AVEN: variants seen among roughly 807,000 people sequenced by gnomAD.
AVEN encodes the protein cell death regulator Aven.
Under a neutral mutation model 38.1 loss-of-function variants are expected in AVEN, and 41 were observed. That is an observed-to-expected ratio of 1.08 (90% CI 0.84 to 1.40). The LOEUF (loss-of-function observed/expected upper bound fraction) is 1.40. Ranked by LOEUF, AVEN falls within the 40% of genes most tolerant of loss-of-function variation. AVEN has a pLI of 0.00. For missense variants in AVEN, 605 were observed against 438.8 expected (o/e 1.38, Z -3.38); for synonymous variants, 206 against 171.8 (o/e 1.20, Z -1.56).
At chr15:33,878,121 C>A (rs929834490) in intron 2 of AVEN, among the ~76,000 whole-genome samples, 2 of 152,038 alleles carry the variant, frequency 1.3e-5, no homozygotes, top group African/African-American at 4.8e-5. Flanking sequence ...TATCAAGATA[C>A]CAATTTCACC....
chr15:33,945,352 G>A (rs1894467539), intron 2 of AVEN, among the ~76,000 whole-genome samples: 2 of 152,152 alleles, frequency 1.3e-5, no homozygotes, highest in South Asian at 4.1e-4. Flanking sequence ...CTCATCTGAG[G>A]CCTTCATCAT....
chr15:34,039,949 G>T (rs184674869), upstream of AVEN, among the ~76,000 whole-genome samples: 251 of 152,288 alleles, frequency 1.6e-3, 2 homozygotes, highest in Non-Finnish European at 1.6e-3. Context: ...GGAACAGTTG[G>T]TTACACAGAT....
downstream of AVEN, chr15:33,864,118 C>T: frequency 1.3e-6 from 2 of 1,594,004 alleles, no homozygotes; most frequent in African/African-American, 1.4e-5. Context: ...GTATCTAATA[C>T]TATCTTTTCC....
chr15:33,984,294 G>C (rs950703805), intron 2 of AVEN, among the ~76,000 whole-genome samples: 5 of 151,904 alleles, frequency 3.3e-5, no homozygotes, highest in African/African-American at 1.2e-4. Context: ...AAAATAAAAA[G>C]TTTACAAAAT....
intron 1 of AVEN, among the ~76,000 whole-genome samples, chr15:34,036,955 C>A (rs533423327): frequency 6.6e-6 from 1 of 152,024 alleles, no homozygotes; most frequent in Non-Finnish European, 1.5e-5. Flanking sequence ...ATTAAAAATA[C>A]AAAATTAGCC....
At position 34,063,637 on chromosome 15, in the gene AVEN, C is replaced by T. The variant is rs1367706605; in HGVS notation, n.1127-205G>A. Reference sequence around the variant, plus strand: ...CAGCTCACCACCTGTAGCAGCTACCCTTCCTCAGAGGATGAGGACAAGCCC... The same window carrying T: ...CAGCTCACCACCTGTAGCAGCTACCTTTCCTCAGAGGATGAGGACAAGCCC... On this transcript the variant is annotated intron_variant and non_coding_transcript_variant, in intron 4 of 11. Transcript: ENST00000675287. The surrounding 1 kb of genome is among the most constrained non-coding windows in gnomAD (Gnocchi z 4.1). 6.2e-7 allele frequency: 1 copy of T among 1,613,994 alleles called. No individual in the cohort carries two copies. Among genetic ancestry groups the T allele is most frequent in the East Asian group, 2.2e-5 (1 of 44,882 alleles).
intron 5 of AVEN, among the ~76,000 whole-genome samples, chr15:34,054,788 C>T (rs915833806): frequency 5.3e-5 from 8 of 152,154 alleles, no homozygotes; most frequent in Non-Finnish European, 7.4e-5. Flanking sequence ...CCCTGGCACA[C>T]GTTTACCTAT....
At position 33,866,663 on chromosome 15, in the gene AVEN, T is replaced by C. The variant is rs751843730; in HGVS notation, c.1039A>G (p.Asn347Asp). Reference sequence around the variant, plus strand: ...TCTTCCAGCTCTTCCTCGGTAACATTTTTGGAGGTACTTGGTTGCTCAGGT... The same window carrying C: ...TCTTCCAGCTCTTCCTCGGTAACATCTTTGGAGGTACTTGGTTGCTCAGGT... ...MEPEQPSTSKNVTEEELEDWL... is the reference protein window; with the variant it reads ...MEPEQPSTSKDVTEEELEDWL... Residue 347 changes from asparagine to aspartate, a missense_variant, in exon 6 of 6, where the codon AAT becomes GAT. Physicochemically the swap from Asn to Asp is conservative, Grantham distance 23. Transcript: ENST00000306730. The C allele has an allele frequency of 3.1e-6, 5 of 1,614,130 alleles. No homozygotes were observed. Among genetic ancestry groups the C allele is most frequent in the Middle Eastern group, 1.6e-4 (1 of 6,062 alleles).
At chr15:34,015,843 G>A (rs1897879842) in intron 1 of AVEN, among the ~76,000 whole-genome samples, 1 of 152,164 alleles carries the variant, frequency 6.6e-6, no homozygotes, top group East Asian at 1.9e-4. Flanking sequence ...TGATAAAAAT[G>A]AGAGGCATGA....
intron 2 of AVEN, among the ~76,000 whole-genome samples, chr15:33,983,183 CGT>C (rs536612414): frequency 4.1e-5 from 4 of 96,830 alleles, no homozygotes; most frequent in African/African-American, 1.4e-4. Context: ...TATATACACA[CGT>C]GTGTGTATGT....
intron 1 of AVEN, among the ~76,000 whole-genome samples, chr15:34,035,781 A>G (rs538153316): frequency 8.8e-6 from 1 of 113,040 alleles, no homozygotes; most frequent in East Asian, 2.5e-4. Context: ...TAGGGGGATT[A>G]TTTATTCATT....
At chr15:33,901,140 G>A (rs752587382) in intron 2 of AVEN, among the ~76,000 whole-genome samples, 5 of 152,140 alleles carry the variant, frequency 3.3e-5, no homozygotes, top group South Asian at 2.1e-4. Context: ...GGTGGTAGGC[G>A]CCTGTAGTCA....
downstream of AVEN, among the ~76,000 whole-genome samples, chr15:33,855,202 ATCT>A (rs1432593316): frequency 2.7e-5 from 4 of 148,992 alleles, no homozygotes; most frequent in Non-Finnish European, 4.5e-5. Context: ...GACCTTGGAG[ATCT>A]TTTTTTTTTT....
At chr15:33,964,106 T>TAA (rs35355454) in intron 2 of AVEN, among the ~76,000 whole-genome samples, 8,857 of 145,142 alleles carry the variant, frequency 0.061, 782 homozygotes, top group African/African-American at 0.2. Flanking sequence ...AGTCCTTACT[T>TAA]AAAAAAAAAA....
chr15:33,857,870 G>T (rs201221837), downstream of AVEN: 1 of 1,614,202 alleles, frequency 6.2e-7, no homozygotes, highest in Non-Finnish European at 8.5e-7. Flanking sequence ...CAACAAAAGC[G>T]AAGACGATGA....
downstream of AVEN, chr15:33,854,531 G>A: frequency 1.6e-6 from 2 of 1,226,344 alleles, no homozygotes; most frequent in Non-Finnish European, 2.3e-6. Flanking sequence ...AGGATGCTCA[G>A]AAGGGTTCAG....
At chr15:33,870,867 G>C (rs1215804923) in intron 4 of AVEN, 68 bp downstream of exon 4, 2 of 1,126,452 alleles carry the variant, frequency 1.8e-6, no homozygotes, top group Non-Finnish European at 2.6e-6. Context: ...CCTGCTGAGG[G>C]AAGTGTTCCC....
downstream of AVEN, among the ~76,000 whole-genome samples, chr15:33,857,620 C>G (rs944662297): frequency 6.6e-6 from 1 of 152,158 alleles, no homozygotes; most frequent in African/African-American, 2.4e-5. Context: ...TCCTCCTCTG[C>G]TCATGGCCTG....
At chr15:33,882,491 G>A (rs139368586) in intron 2 of AVEN, among the ~76,000 whole-genome samples, 34 of 151,866 alleles carry the variant, frequency 2.2e-4, no homozygotes, top group African/African-American at 7.5e-4. Context: ...TTGCTCTATT[G>A]CCACATTTCT....
Sources: gnomAD v4.1 joint callset for allele counts (sites outside exome capture counted in the v4.1 genomes callset) on GRCh38, gnomAD v4.1.1 for gene constraint, Gnocchi (gnomAD v3.1) non-coding constraint, MANE v1.5 for transcripts, NCBI Gene and HGNC (gene_info 2026-07-23, HGNC 2026-07-21) for gene names.